The following DMD variants were observed in gnomAD, a reference collection of about 807,000 sequenced individuals.
DMD encodes mutant dystrophin.
A neutral mutation model predicts 330.1 loss-of-function variants in DMD; 63 were observed. That is an observed-to-expected ratio of 0.19 (90% CI 0.16 to 0.24). The LOEUF (loss-of-function observed/expected upper bound fraction) is 0.24, where lower values mean the gene tolerates loss of function less well. Ranked by LOEUF, DMD falls within the 10% of genes least tolerant of loss-of-function variation. The pLI, the probability that DMD is intolerant of heterozygous loss-of-function variation, is 1.00. For synonymous variants in DMD, 1,223 were observed against 959.8 expected (o/e 1.27, Z -5.07); for missense variants, 3,344 against 2,684.1 (o/e 1.25, Z -5.43).
chrX:31,990,813 T>C (rs964821523), intron 44 of DMD, among the ~76,000 whole-genome samples: 3 of 112,025 alleles, frequency 2.7e-5, no homozygotes, highest in African/African-American at 9.7e-5. Context: ...GATTAAACTA[T>C]TACTTTCTAG....
At chrX:31,686,419 T>C (rs1433361086) in intron 52 of DMD, among the ~76,000 whole-genome samples, 1 of 112,486 alleles carries the variant, frequency 8.9e-6, no homozygotes, top group East Asian at 2.8e-4. Flanking sequence ...CTCAAGACTT[T>C]CCCATTTCCT....
intron 76 of DMD, among the ~76,000 whole-genome samples, chrX:31,140,047 G>C (rs777198073): frequency 2.7e-5 from 3 of 112,057 alleles, no homozygotes; most frequent in Non-Finnish European, 3.8e-5. Context: ...GAAGAAAAAA[G>C]AAGTGGGATG....
intron 60 of DMD, among the ~76,000 whole-genome samples, chrX:31,374,891 C>T (rs905436879): frequency 2.7e-5 from 3 of 111,385 alleles, no homozygotes; most frequent in African/African-American, 9.8e-5. Flanking sequence ...CGTGGCGCTC[C>T]ACCCTGGACC....
At chrX:31,769,466 C>T (rs947424568) in intron 51 of DMD, among the ~76,000 whole-genome samples, 2 of 111,928 alleles carry the variant, frequency 1.8e-5, no homozygotes, top group Admixed American at 1.9e-4. Context: ...CAGGTCTACA[C>T]GTTGTGAAGT....
In DMD at chrX:32,099,744, G is replaced by A. The variant is rs753612819; in HGVS notation, c.6438+117172C>T. ...ACATCACACCCTGGGAACTGTTGTG[G>A]GGTGGGGGGAGGGGGGAGGGACAGC... is the stretch of plus-strand genomic sequence containing the variant. On this transcript the variant is annotated intron_variant, in intron 44 of 78. Transcript: ENST00000357033. Among the ~76,000 whole-genome samples the A allele has an allele frequency of 1.6e-3, 117 of 71,138 alleles. 1 individual carries two copies. The highest frequency in any genetic ancestry group is 6.1e-3 in the African/African-American group (111 of 18,073). 61.8% of individuals were successfully genotyped at this position (71,138 alleles called of 115,157 possible).
chrX:32,425,106 G>A (rs1043803662), intron 29 of DMD, among the ~76,000 whole-genome samples: 2 of 111,524 alleles, frequency 1.8e-5, no homozygotes, highest in Non-Finnish European at 3.8e-5. Flanking sequence ...CTGAGTCCAC[G>A]ATATTATTCT....
chrX:31,839,361 C>G (rs1046944855), intron 48 of DMD, among the ~76,000 whole-genome samples: 1 of 111,940 alleles, frequency 8.9e-6, no homozygotes, highest in Non-Finnish European at 1.9e-5. Flanking sequence ...AACAAAAAAC[C>G]GTTGAACGGG....
intron 7 of DMD, among the ~76,000 whole-genome samples, chrX:32,727,289 T>A (rs1322693466): frequency 1.8e-5 from 2 of 111,142 alleles, no homozygotes; most frequent in Non-Finnish European, 3.8e-5. Context: ...CATTATCTCA[T>A]TTGCTCCTCA....
intron 74 of DMD, among the ~76,000 whole-genome samples, chrX:31,168,198 C>A (rs1215570811): frequency 9.0e-6 from 1 of 111,678 alleles, no homozygotes; most frequent in Non-Finnish European, 1.9e-5. Context: ...CTAGCTACAA[C>A]AGCATAGCCA....
intron 60 of DMD, among the ~76,000 whole-genome samples, chrX:31,400,699 A>G (rs1370415182): frequency 1.1e-5 from 1 of 94,069 alleles, no homozygotes; most frequent in Non-Finnish European, 2.3e-5. Context: ...GCAGTTATTT[A>G]GAGTGTATAC....
intron 19 of DMD, among the ~76,000 whole-genome samples, chrX:32,495,946 G>A (rs2043453226): frequency 9.0e-6 from 1 of 111,683 alleles, no homozygotes; most frequent in African/African-American, 3.3e-5. Flanking sequence ...GAATCTCAGG[G>A]ATAATGGATC....
intron 52 of DMD, among the ~76,000 whole-genome samples, chrX:31,722,555 C>T (rs62589509): frequency 0.26 from 28,408 of 110,683 alleles, 3,773 homozygotes; most frequent in African/African-American, 0.49. Context: ...ACAAGGCAAA[C>T]AGTAATGGCT....
chrX:32,992,394 C>T (rs1408512379), intron 2 of DMD, among the ~76,000 whole-genome samples: 1 of 111,550 alleles, frequency 9.0e-6, no homozygotes, highest in African/African-American at 3.3e-5. Flanking sequence ...GCACTAAAGT[C>T]TACATGCCTA....
rs548968194 is a variant in DMD at position 32,157,839 on chromosome X, T to G, written c.6438+59077A>C. ...GGTTACCAGACATTCCTTGGCAGAA[T>G]GCAAATCAAACATCTTGAATGGCAA... is the stretch of plus-strand genomic sequence containing the variant. On this transcript the variant is annotated intron_variant, in intron 44 of 78. Transcript: ENST00000357033. Among the ~76,000 whole-genome samples, 21 of 112,023 alleles carry G rather than the reference T, an allele frequency of 1.9e-4. No homozygotes were observed. In the South Asian group the frequency reaches 7.9e-3, roughly 42 times the overall value.
At chrX:32,481,453 C>A (rs2041890573) in intron 21 of DMD, among the ~76,000 whole-genome samples, 1 of 111,263 alleles carries the variant, frequency 9.0e-6, no homozygotes, top group Non-Finnish European at 1.9e-5. Context: ...AATTGAAATT[C>A]TTTCGGAAAT....
intron 48 of DMD, among the ~76,000 whole-genome samples, chrX:31,873,858 C>T (rs2093928959): frequency 9.0e-6 from 1 of 111,465 alleles, no homozygotes; most frequent in African/African-American, 3.3e-5. Context: ...GTATCTCATT[C>T]GTATTCTGGG....
intron 59 of DMD, among the ~76,000 whole-genome samples, chrX:31,461,447 G>C (rs920076977): frequency 9.0e-6 from 1 of 111,724 alleles, no homozygotes; most frequent in African/African-American, 3.3e-5. Flanking sequence ...TCTGATGTAT[G>C]CTGAGGTGAG....
At chrX:32,554,939 A>AAGAAAGAG (rs1556792002) in intron 16 of DMD, among the ~76,000 whole-genome samples, 6 of 27,603 alleles carry the variant, frequency 2.2e-4, no homozygotes, top group Non-Finnish European at 3.3e-4. Context: ...GAAAGAAAGA[A>AAGAAAGAG]AGAGAGAGAG....
chrX:33,009,614 ATGTG>A (rs1170819437), intron 2 of DMD, among the ~76,000 whole-genome samples: 1 of 59,304 alleles, frequency 1.7e-5, no homozygotes, highest in African/African-American at 6.4e-5. Context: ...ATATACACAT[ATGTG>A]TGTATGTGTG....
Sources: allele counts gnomAD v4.1 joint callset (sites outside exome capture counted in the v4.1 genomes callset), GRCh38; gene constraint gnomAD v4.1.1; transcripts MANE v1.5; gene names NCBI Gene and HGNC (gene_info 2026-07-23, HGNC 2026-07-21).